The following METTL16 variants were observed in gnomAD, a reference collection of about 807,000 sequenced individuals.
METTL16 encodes RNA N(6)-adenosine-methyltransferase METTL16.
METTL16 carries 19 observed loss-of-function variants against 57.9 expected under a neutral mutation model. The observed-to-expected ratio is 0.33, with a 90% CI of 0.23 to 0.48. The LOEUF is 0.48. Ranked by LOEUF, METTL16 falls within the 20% of genes least tolerant of loss-of-function variation. METTL16 has a pLI of 0.99. For missense variants in METTL16, 434 were observed against 691.5 expected, an observed-to-expected ratio of 0.63 and a Z score of 4.18; for synonymous variants, 246 against 255.6, an observed-to-expected ratio of 0.96 and a Z score of 0.36.
In METTL16 at chr17:2,473,566, T is replaced by C. The variant is rs757575649; in HGVS notation, c.427A>G (p.Lys143Glu). ...AAGTTATTCTGTTCCACATTTTTCTTTGCATAGTTGAAACACATATCATCC... is the reference window on the plus strand; with the variant it reads ...AAGTTATTCTGTTCCACATTTTTCTCTGCATAGTTGAAACACATATCATCC... ...EVDDMCFNYA[K>E]KNVEQNNLSD... The change falls in exon 4 of 10, where the codon AAG becomes GAG. Residue 143 changes from lysine (K) to glutamate (E), a missense_variant. Around this residue, in one of 5 missense-constraint regions of METTL16, gnomAD observed 118 missense variants for 280.0 expected, o/e 0.42. Coordinates refer to ENST00000263092, the MANE Select transcript of METTL16 (RefSeq NM_024086.4). The C allele has an allele frequency of 6.2e-7, 1 of 1,614,124 alleles. No individual in the cohort carries two copies. Among genetic ancestry groups the C allele is most frequent in the Non-Finnish European group, 8.5e-7 (1 of 1,180,022 alleles).
chr17:2,441,498 T>C lies in METTL16; in HGVS notation c.790A>G (p.Ile264Val), dbSNP rs1235747588. 14 of 1,596,820 alleles carry C rather than the reference T, an allele frequency of 8.8e-6. No individual in the cohort carries two copies. The highest frequency in any genetic ancestry group is 4.5e-5 in the East Asian group (2 of 44,250). ...TAATGAGGAAGCCTCACCCCTTGTA[T>C]GCGAAGCTCCTCCTTCAGAGGCGCC... ...SLAPLKEELR[I>V]QGVPKVTYTE... Residue 264 changes from isoleucine (I) to valine (V), a missense_variant, in exon 7 of 10, where the codon ATA (isoleucine) becomes GTA (valine). By Grantham distance (29) the Ile-to-Val change is conservative. Around this residue, in one of 5 missense-constraint regions of METTL16, gnomAD observed 96 missense variants for 138.3 expected, o/e 0.69. Coordinates refer to ENST00000263092, the MANE Select transcript of METTL16 (RefSeq NM_024086.4).
chr17:2,487,003 CAAAAAAAAAAAA>C (rs11397318), intron 2 of METTL16, among the ~76,000 whole-genome samples: 3 of 57,426 alleles, frequency 5.2e-5, no homozygotes, highest in Admixed American at 2.8e-4. Context: ...GATCCTGTCT[CAAAAAAAAAAAA>C]AAAAAAAAAA....
chr17:2,482,650 T>C (rs192969868), intron 2 of METTL16, among the ~76,000 whole-genome samples: 1 of 152,326 alleles, frequency 6.6e-6, no homozygotes, highest in East Asian at 1.9e-4. Flanking sequence ...CTCACACCTG[T>C]AATCTCAGCA....
intron 8 of METTL16, among the ~76,000 whole-genome samples, chr17:2,426,087 T>C (rs1222518712): frequency 6.6e-6 from 1 of 150,872 alleles, no homozygotes; most frequent in African/African-American, 2.4e-5. Flanking sequence ...TCTCTAGTAT[T>C]TGCAGGAAGA....
rs1172164861 is a variant in METTL16 at position 2,416,301 on chromosome 17, T to C, written c.*3669A>G. ...AGGAGCTGGTCGTGAAGTCATCAGC[T>C]CCCTTCTTTCAAAAGGCCTCGGATT... On this transcript the variant is annotated 3_prime_UTR_variant, in exon 10 of 10. Coordinates refer to ENST00000263092, the MANE Select transcript of METTL16 (RefSeq NM_024086.4). 1 of 152,124 alleles carries C rather than the reference T, an allele frequency of 6.6e-6. No homozygotes were observed. The highest frequency in any genetic ancestry group is 6.5e-5 in the Admixed American group (1 of 15,278). The allele number at this position is 152,124 out of a possible 1,614,324, so 9.4% of individuals were successfully genotyped here.
At chr17:2,468,540 G>A (rs922227209) in intron 4 of METTL16, among the ~76,000 whole-genome samples, 6 of 152,152 alleles carry the variant, frequency 3.9e-5, no homozygotes, top group Non-Finnish European at 8.8e-5. Context: ...ACTAAGCCAT[G>A]CCAAAATTTA....
intron 8 of METTL16, among the ~76,000 whole-genome samples, chr17:2,430,001 CG>C (rs554628367): frequency 0.06 from 8,857 of 148,600 alleles, 472 homozygotes; most frequent in Non-Finnish European, 0.093. Flanking sequence ...TTAGTGGAGA[CG>C]GGGGTTTCAC....
intron 3 of METTL16, among the ~76,000 whole-genome samples, chr17:2,476,678 G>A (rs1219078047): frequency 6.6e-6 from 1 of 152,216 alleles, no homozygotes; most frequent in Non-Finnish European, 1.5e-5. Flanking sequence ...AATAGAGGCT[G>A]GGCATGGTGG....
intron 7 of METTL16, among the ~76,000 whole-genome samples, chr17:2,438,513 GT>G (rs1271721144): frequency 6.6e-6 from 1 of 151,720 alleles, no homozygotes; most frequent in Non-Finnish European, 1.5e-5. Flanking sequence ...TTTGTTTTTT[GT>G]TTTTTTGAGA....
intron 2 of METTL16, among the ~76,000 whole-genome samples, chr17:2,492,487 TAG>T (rs1489396070): frequency 6.6e-6 from 1 of 152,178 alleles, no homozygotes; most frequent in Admixed American, 6.6e-5. Flanking sequence ...TCAGTGTCCA[TAG>T]AATGCTAGTC....
intron 6 of METTL16, among the ~76,000 whole-genome samples, chr17:2,454,325 CT>C (rs950541615): frequency 1.3e-5 from 2 of 151,928 alleles, no homozygotes; most frequent in African/African-American, 4.8e-5. Flanking sequence ...TGAACCTTAC[CT>C]AAAAAGTTCT....
chr17:2,474,288 C>T (rs764844272), intron 3 of METTL16, among the ~76,000 whole-genome samples: 126 of 147,066 alleles, frequency 8.6e-4, no homozygotes, highest in Non-Finnish European at 1.7e-3. Flanking sequence ...TTCCATTCTC[C>T]AAAAGCAGGA....
chr17:2,479,908 C>T (rs369852307), intron 2 of METTL16, among the ~76,000 whole-genome samples: 7 of 152,158 alleles, frequency 4.6e-5, no homozygotes, highest in African/African-American at 1.4e-4. Context: ...AAGGACTGGC[C>T]GGGCACGGTG....
rs775800602 is a variant in METTL16, at chr17:2,419,621, G to A, written c.*349C>T. Reference sequence around the variant, plus strand: ...CAGAGACAGCATGATATTCTAGGCAGTGCTGCCCAGCCCAGACTCCACAAA... The same window carrying A: ...CAGAGACAGCATGATATTCTAGGCAATGCTGCCCAGCCCAGACTCCACAAA... On this transcript the variant is annotated 3_prime_UTR_variant, in exon 10 of 10. Coordinates refer to ENST00000263092, the MANE Select transcript of METTL16 (RefSeq NM_024086.4). The A allele has an allele frequency of 2.0e-6, 1 of 498,520 alleles. No individual in the cohort carries two copies. Among genetic ancestry groups the A allele is most frequent in the South Asian group, 1.5e-5 (1 of 64,914 alleles). 30.9% of individuals were successfully genotyped at this position (498,520 alleles called of 1,614,324 possible).
At chr17:2,421,675 G>A (rs1325343879) in intron 8 of METTL16, among the ~76,000 whole-genome samples, 1 of 152,194 alleles carries the variant, frequency 6.6e-6, no homozygotes, top group African/African-American at 2.4e-5. Flanking sequence ...GAACTGCAGG[G>A]CAGAAACATC....
At chr17:2,448,795 T>TAAAAAAAAAAAAAAAAAAAAAA (rs2067042339) in intron 6 of METTL16, among the ~76,000 whole-genome samples, 1 of 36,822 alleles carries the variant, frequency 2.7e-5, no homozygotes. Flanking sequence ...AAAATAAAAA[T>TAAAAAAAAAAAAAAAAAAAAAA]AAAATTTAAA....
rs748227653 is a variant in METTL16, at chr17:2,502,215, A to T, written c.117T>A (p.Asn39Lys). ...DFKQHVQINL[N>K]GRVSLNFKDP... ...CATCCGTTACCTACCTCACTCTTCC[A>T]TTCAGATTTATCTGAACATGCTGCT... Residue 39 changes from asparagine to lysine, a missense_variant, in exon 2 of 10, where the codon AAT becomes AAA. By Grantham distance (94) the Asn-to-Lys change is moderately conservative. This residue lies in a region of METTL16 where 118 missense variants were observed against 280.0 expected (regional missense o/e 0.42). Coordinates refer to ENST00000263092, the MANE Select transcript of METTL16 (RefSeq NM_024086.4). 1 of 1,613,644 alleles carries T rather than the reference A, an allele frequency of 6.2e-7. No individual in the cohort carries two copies. The highest frequency in any genetic ancestry group is 1.1e-5 in the South Asian group (1 of 91,052).
At position 2,419,920 on chromosome 17, in the gene METTL16, C is replaced by T; in HGVS notation, c.*50G>A. 1 of 1,597,158 alleles carries T rather than the reference C, an allele frequency of 6.3e-7. No homozygotes were observed. Among genetic ancestry groups the T allele is most frequent in the Non-Finnish European group, 8.5e-7 (1 of 1,169,888 alleles). On this transcript the variant is annotated 3_prime_UTR_variant, in exon 10 of 10. Transcript: ENST00000263092. ...GGATTCCTCTTGCCACCCCACAGGC[C>T]ACTCCAAAGCAAGTTACTATCAACA...
At chr17:2,433,753 C>T (rs1411697655) in intron 8 of METTL16, among the ~76,000 whole-genome samples, 4 of 152,204 alleles carry the variant, frequency 2.6e-5, no homozygotes, top group Non-Finnish European at 4.4e-5. Context: ...CTGGATCCTG[C>T]GCACGATGTT....
Sources: gnomAD v4.1 joint callset for allele counts (sites outside exome capture counted in the v4.1 genomes callset) on GRCh38, gnomAD v4.1.1 for gene constraint, gnomAD v4.1.1 regional missense constraint, MANE v1.5 for transcripts, NCBI Gene and HGNC (gene_info 2026-07-23, HGNC 2026-07-21) for gene names.